Variants in SGCD observed in about 807,000 individuals in gnomAD.
The protein encoded by SGCD is delta-sarcoglycan.
Under a neutral mutation model 36.6 loss-of-function variants are expected in SGCD, and 18 were observed. That is an observed-to-expected ratio of 0.49 (90% CI 0.34 to 0.73). SGCD has a LOEUF of 0.73. SGCD is among the 30% of genes least tolerant of loss of function. The probability of loss-of-function intolerance (pLI) is 0.01; values close to 1 mark genes in which losing one functional copy is unlikely to be tolerated. For synonymous variants in SGCD, 133 were observed against 130.6 expected (o/e 1.02, Z -0.12); for missense variants, 387 against 346.7 (o/e 1.12, Z -0.92).
At chr5:156,540,020 A>C (rs6885454) in intron 4 of SGCD, among the ~76,000 whole-genome samples, 51,847 of 151,888 alleles carry the variant, frequency 0.34, 9,153 homozygotes, top group African/African-American at 0.4. Context: ...TCTCTTTTAC[A>C]TATGCCACAC....
intron 1 of SGCD, among the ~76,000 whole-genome samples, chr5:156,062,076 TC>T (rs1407973053): frequency 2.8e-5 from 2 of 72,338 alleles, no homozygotes; most frequent in African/African-American, 1.6e-4. Context: ...ATGCTATCCC[TC>T]CCCCCTCCCC....
At position 156,693,157 on chromosome 5, in the gene SGCD, T is replaced by C. The variant is rs148559917; in HGVS notation, c.575+45621T>C. 3.2e-3 allele frequency among the ~76,000 whole-genome samples: 492 copies of C among 152,106 alleles called. 3 individuals are homozygous for C. Among genetic ancestry groups the C allele is most frequent in the African/African-American group, 0.011 (452 of 41,362 alleles). Reference sequence around the variant, plus strand: ...CTTAGCCATATTCAACCAGAACTTATAACTTTCTGATGTTCCATTTGGTAG... The same window carrying C: ...CTTAGCCATATTCAACCAGAACTTACAACTTTCTGATGTTCCATTTGGTAG... On this transcript the variant is annotated intron_variant, in intron 7 of 8. Transcript: ENST00000337851.
chr5:156,067,719 A>AC (rs1304281887), intron 1 of SGCD, among the ~76,000 whole-genome samples: 3 of 130,930 alleles, frequency 2.3e-5, no homozygotes. Flanking sequence ...TGCGACCATC[A>AC]CCCCTTTCTT....
intron 1 of SGCD, among the ~76,000 whole-genome samples, chr5:155,988,288 G>A (rs1412936150): frequency 6.6e-6 from 1 of 152,096 alleles, no homozygotes; most frequent in Non-Finnish European, 1.5e-5. Context: ...GAAAATGGAA[G>A]TGGTGCCAGC....
upstream of SGCD, among the ~76,000 whole-genome samples, chr5:156,325,860 C>G (rs1253073718): frequency 2.0e-5 from 3 of 152,120 alleles, no homozygotes; most frequent in African/African-American, 4.8e-5. Flanking sequence ...GCCTCCCACC[C>G]CACTGCTTCC....
chr5:156,437,663 C>T (rs1362497284), intron 3 of SGCD, among the ~76,000 whole-genome samples: 1 of 152,082 alleles, frequency 6.6e-6, no homozygotes, highest in Non-Finnish European at 1.5e-5. Context: ...AACAGATGGA[C>T]AAGACTGATA....
At chr5:156,415,216 A>G (rs1310752189) in intron 3 of SGCD, among the ~76,000 whole-genome samples, 3 of 152,192 alleles carry the variant, frequency 2.0e-5, no homozygotes, top group Non-Finnish European at 4.4e-5. Flanking sequence ...CTTAAGATAT[A>G]ATGAAACCAG....
intron 6 of SGCD, among the ~76,000 whole-genome samples, chr5:156,599,185 T>C (rs1291678572): frequency 3.9e-5 from 6 of 152,202 alleles, no homozygotes; most frequent in African/African-American, 1.4e-4. Context: ...CAGTTTCATT[T>C]TCAGCATAAT....
At chr5:155,976,449 ACT>A (rs1188221298) in intron 1 of SGCD, among the ~76,000 whole-genome samples, 3 of 152,104 alleles carry the variant, frequency 2.0e-5, no homozygotes, top group Non-Finnish European at 2.9e-5. Flanking sequence ...GTTATGTATA[ACT>A]CTCTCCAGAA....
At chr5:156,231,433 G>A (rs1765014032) in intron 3 of SGCD, among the ~76,000 whole-genome samples, 2 of 152,174 alleles carry the variant, frequency 1.3e-5, no homozygotes, top group South Asian at 4.1e-4. Flanking sequence ...CTACTTGGGA[G>A]GCTGAGGCAG....
At chr5:155,982,806 A>G (rs1234422317) in intron 1 of SGCD, among the ~76,000 whole-genome samples, 1 of 152,130 alleles carries the variant, frequency 6.6e-6, no homozygotes, top group Non-Finnish European at 1.5e-5. Flanking sequence ...GGAAATTATG[A>G]CAGTTCCTAT....
intron 6 of SGCD, among the ~76,000 whole-genome samples, chr5:156,631,460 C>CTTT (rs139512555): frequency 1.0e-4 from 14 of 136,284 alleles, no homozygotes; most frequent in Non-Finnish European, 1.6e-4. Context: ...TTGACACTTG[C>CTTT]TTTTTTTTTT....
At chr5:156,524,052 G>A (rs1426822645) in intron 4 of SGCD, among the ~76,000 whole-genome samples, 4 of 126,008 alleles carry the variant, frequency 3.2e-5, no homozygotes, top group Admixed American at 1.7e-4. Context: ...ACTTAAAGTG[G>A]CAGTTTCCAA....
chr5:156,516,615 A>G (rs988646865), intron 4 of SGCD, among the ~76,000 whole-genome samples: 3 of 152,178 alleles, frequency 2.0e-5, no homozygotes, highest in Non-Finnish European at 2.9e-5. Context: ...ATCTCCTCCA[A>G]ATGATTGCAG....
intron 7 of SGCD, among the ~76,000 whole-genome samples, chr5:156,752,679 C>T (rs1053478217): frequency 6.6e-6 from 1 of 152,214 alleles, no homozygotes; most frequent in African/African-American, 2.4e-5. Context: ...CAGGCGTGAG[C>T]TACCGTGCCG....
Position 155,971,161 on chromosome 5 carries a change from G to A in SGCD, c.-282+100737G>A, listed in dbSNP as rs115944037. Among the ~76,000 whole-genome samples the A allele has an allele frequency of 9.1e-3, 1,391 of 152,280 alleles. 23 individuals carry two copies. Among genetic ancestry groups the A allele is most frequent in the African/African-American group, 0.032 (1,325 of 41,568 alleles). On this transcript the variant is annotated intron_variant, in intron 1 of 9. Coordinates refer to the SGCD transcript ENST00000517913. ...CCCCTGGCTACAAGGAAGGAAGACT[G>A]AGGAAGTATTTGGTTTTTATAACTT...
intron 1 of SGCD, among the ~76,000 whole-genome samples, chr5:155,976,131 G>C (rs1758109203): frequency 6.6e-6 from 1 of 152,030 alleles, no homozygotes; most frequent in South Asian, 2.1e-4. Flanking sequence ...AATGCTGTAA[G>C]ACAGATGCAC....
At chr5:156,411,084 C>T (rs554476671) in intron 3 of SGCD, among the ~76,000 whole-genome samples, 213 of 152,208 alleles carry the variant, frequency 1.4e-3, no homozygotes, top group Non-Finnish European at 2.5e-3. Flanking sequence ...ATATGATTTG[C>T]CCCCTTGATG....
At chr5:156,686,378 A>T (rs996565315) in intron 7 of SGCD, among the ~76,000 whole-genome samples, 1 of 152,194 alleles carries the variant, frequency 6.6e-6, no homozygotes, top group Non-Finnish European at 1.5e-5. Flanking sequence ...TGTCAGGACT[A>T]TGGTAATCTG....
Sources: allele counts gnomAD v4.1 joint callset (sites outside exome capture counted in the v4.1 genomes callset), GRCh38; gene constraint gnomAD v4.1.1; transcripts MANE v1.5; gene names NCBI Gene and HGNC (gene_info 2026-07-23, HGNC 2026-07-21).